Variants in USP10 observed in about 807,000 individuals in gnomAD.
USP10 encodes the protein ubiquitin carboxyl-terminal hydrolase 10.
In USP10, 22 loss-of-function variants were observed where a neutral mutation model predicts 84.5. That is an observed-to-expected ratio of 0.26 (90% CI 0.19 to 0.37). The LOEUF (loss-of-function observed/expected upper bound fraction) is 0.37. Ranked by LOEUF, USP10 falls within the 10% of genes least tolerant of loss-of-function variation. USP10 has a pLI of 1.00. For missense variants in USP10, 1,019 were observed against 998.9 expected (o/e 1.02, Z -0.27); for synonymous variants, 454 against 387.6 (o/e 1.17, Z -2.01).
At chr16:84,713,063 C>A (rs1224696208) in intron 1 of USP10, among the ~76,000 whole-genome samples, 1 of 152,234 alleles carries the variant, frequency 6.6e-6, no homozygotes, top group Non-Finnish European at 1.5e-5. Context: ...GCCAGCCTTT[C>A]CAGTACAGGG....
At chr16:84,755,032 C>T (rs1289529253) in intron 4 of USP10, among the ~76,000 whole-genome samples, 2 of 151,210 alleles carry the variant, frequency 1.3e-5, no homozygotes, top group African/African-American at 2.4e-5. Context: ...GAGCTTAGTG[C>T]AGCCAGTTCT....
intron 1 of USP10, among the ~76,000 whole-genome samples, chr16:84,720,581 T>TTTTTTTG (rs1907660232): frequency 7.8e-6 from 1 of 127,566 alleles, no homozygotes; most frequent in Non-Finnish European, 1.6e-5. Context: ...GCCCAATTTT[T>TTTTTTTG]TTTTTTTTTT....
Position 84,746,173 on chromosome 16 carries a change from AT to A in USP10, c.1192+501del, listed in dbSNP as rs201325247. Among the ~76,000 whole-genome samples the A allele has an allele frequency of 6.0e-5, 9 of 149,238 alleles. No individual in the cohort carries two copies. The Admixed American group carries it at 6.0e-4, about 10-fold the overall frequency. On this transcript the variant is annotated intron_variant, in intron 4 of 13. Coordinates refer to ENST00000219473, the MANE Select transcript of USP10 (RefSeq NM_005153.3). ...AGGTCAGCTCTTGAAGAGAAAAAAA[AT>A]GTTAAGGGTTCAGCCCAAAGTTAAT...
intron 4 of USP10, among the ~76,000 whole-genome samples, chr16:84,746,642 CTG>C (rs1911260064): frequency 6.6e-6 from 1 of 152,168 alleles, no homozygotes; most frequent in African/African-American, 2.4e-5. Context: ...GCTTGCAAGA[CTG>C]GAGTGGCTCT....
intron 1 of USP10, chr16:84,733,150 C>T (rs1909460095): frequency 5.9e-6 from 3 of 510,018 alleles, no homozygotes; most frequent in South Asian, 4.7e-5. Context: ...TAAAAATCTC[C>T]TGCAAGCAGG....
chr16:84,757,443 G>GAATTT (rs1912716334), intron 4 of USP10, among the ~76,000 whole-genome samples: 1 of 145,798 alleles, frequency 6.9e-6, no homozygotes, highest in African/African-American at 2.5e-5. Flanking sequence ...GTGTGTGTGT[G>GAATTT]TGTTTTGAAT....
chr16:84,704,885 G>T (rs1225327254), intron 1 of USP10: 5 of 1,535,716 alleles, frequency 3.3e-6, no homozygotes, highest in Non-Finnish European at 3.5e-6. Context: ...TAGAAATGTG[G>T]TTTGGGGCTG....
intron 1 of USP10, among the ~76,000 whole-genome samples, chr16:84,730,976 C>CT (rs11401851): frequency 0.029 from 3,093 of 105,034 alleles, 176 homozygotes; most frequent in African/African-American, 0.08. Flanking sequence ...GCATTTCTAC[C>CT]TTTTTTTTTT....
In USP10 at chr16:84,729,151, A is replaced by G. The variant is rs368647564; in HGVS notation, c.22-4284A>G. Among the ~76,000 whole-genome samples the G allele has an allele frequency of 1.2e-4, 18 of 152,352 alleles. 1 individual carries two copies. The highest frequency in any genetic ancestry group is 7.7e-4 in the East Asian group (4 of 5,188). ...TTGATAATAAATGCTTCTTCATTGT[A>G]GTGCTTTGAATGATGCATATGATTT... On this transcript the variant is annotated intron_variant, in intron 1 of 13. Transcript: ENST00000219473.
At chr16:84,777,724 G>A (rs1250334066) in intron 13 of USP10, among the ~76,000 whole-genome samples, 4 of 152,074 alleles carry the variant, frequency 2.6e-5, no homozygotes, top group Admixed American at 2.0e-4. Flanking sequence ...GAGGCCTCCT[G>A]CTGTCATTTA....
intron 1 of USP10, chr16:84,732,502 G>A (rs1909368473): frequency 5.2e-6 from 2 of 383,938 alleles, no homozygotes; most frequent in African/African-American, 2.3e-5. Flanking sequence ...GCTGGGGTGC[G>A]GTGGCGCGAT....
chr16:84,717,800 C>G (rs1907245023), intron 1 of USP10, among the ~76,000 whole-genome samples: 1 of 152,184 alleles, frequency 6.6e-6, no homozygotes, highest in Admixed American at 6.5e-5. Flanking sequence ...GTCCTAGTCT[C>G]TGGTCCTCAG....
chr16:84,770,211 G>A (rs1477029570), intron 11 of USP10, among the ~76,000 whole-genome samples: 4 of 152,206 alleles, frequency 2.6e-5, no homozygotes, highest in African/African-American at 7.2e-5. Flanking sequence ...TTGTGGTGGT[G>A]TGTTACCAGA....
chr16:84,772,864 C>T (rs772886014), intron 12 of USP10, among the ~76,000 whole-genome samples, 179 bp downstream of exon 12: 2 of 151,972 alleles, frequency 1.3e-5, no homozygotes, highest in Non-Finnish European at 2.9e-5. Flanking sequence ...ATGAAAATGG[C>T]CTGTTGAAAA....
At chr16:84,707,489 TG>T (rs1319001929) in intron 1 of USP10, among the ~76,000 whole-genome samples, 1 of 152,218 alleles carries the variant, frequency 6.6e-6, no homozygotes, top group African/African-American at 2.4e-5. Flanking sequence ...ATCGTCAGTT[TG>T]GTGTGTGTCT....
Position 84,768,229 on chromosome 16 carries a change from C to A in USP10, c.1869C>A (p.Ala623=). The A allele has an allele frequency of 6.2e-7, 1 of 1,600,042 alleles. No individual in the cohort carries two copies. Among genetic ancestry groups the A allele is most frequent in the Non-Finnish European group, 8.5e-7 (1 of 1,172,460 alleles). ...ACCAGCAGAGTTCAAAAGAATCTGC[C>A]ACTTTGCAGCCATTTTTCACGTTGC... is the stretch of plus-strand genomic sequence containing the variant. The part of the protein sequence containing the change: ...VVYQQSSKES[A]TLQPFFTLQL... Residue 623 remains alanine (A), a synonymous_variant, in exon 11 of 14, where the codon GCC becomes GCA. Transcript: ENST00000219473.
At chr16:84,709,170 A>G (rs1467005557) in intron 1 of USP10, 3 of 152,242 alleles carry the variant, frequency 2.0e-5, no homozygotes, top group Non-Finnish European at 4.4e-5. Flanking sequence ...ATTGAGGAAG[A>G]CAGCTTGCTA....
At chr16:84,738,031 C>T (rs939486399) in intron 2 of USP10, among the ~76,000 whole-genome samples, 2 of 152,182 alleles carry the variant, frequency 1.3e-5, no homozygotes, top group African/African-American at 2.4e-5. Context: ...GTTCACACCC[C>T]GTGGTTGAAT....
Position 84,708,119 on chromosome 16 carries a change from C to T in USP10, c.21+8008C>T, listed in dbSNP as rs190522344. Among the ~76,000 whole-genome samples the T allele has an allele frequency of 1.3e-4, 19 of 151,778 alleles. No individual in the cohort carries two copies. The East Asian group carries it at 3.7e-3, about 30-fold the overall frequency. ...AGAAATATTTTGAAGACTTCCACCC[C>T]CTTAGTAGTAGTCATGCTGTCCGGT... On this transcript the variant is annotated intron_variant, in intron 1 of 13. Transcript: ENST00000219473.
Sources: gnomAD v4.1 joint callset for allele counts (sites outside exome capture counted in the v4.1 genomes callset) on GRCh38, gnomAD v4.1.1 for gene constraint, MANE v1.5 for transcripts, NCBI Gene and HGNC (gene_info 2026-07-23, HGNC 2026-07-21) for gene names.